KATNB1: variants seen among roughly 807,000 people sequenced by gnomAD.
KATNB1 encodes katanin p80 WD40 repeat-containing subunit B1.
KATNB1 carries 38 observed loss-of-function variants against 82.3 expected under a neutral mutation model. The observed-to-expected ratio is 0.46, with a 90% CI of 0.36 to 0.61. The LOEUF (loss-of-function observed/expected upper bound fraction) is 0.61. KATNB1 is among the 20% of genes least tolerant of loss of function. The probability of loss-of-function intolerance (pLI) is 0.00; values close to 1 mark genes in which losing one functional copy is unlikely to be tolerated. For missense variants in KATNB1, 749 were observed against 915.7 expected (o/e 0.82, Z 2.35); for synonymous variants, 361 against 368.7 (o/e 0.98, Z 0.24).
chr16:57,736,541 G>A (rs2049101178), intron 1 of KATNB1, among the ~76,000 whole-genome samples: 1 of 152,092 alleles, frequency 6.6e-6, no homozygotes, highest in South Asian at 2.1e-4. Context: ...GGTCGTCTTC[G>A]AGATTCTTTC....
chr16:57,752,771 G>A lies in KATNB1; in HGVS notation c.705-7G>A, dbSNP rs1555583847. The A allele has an allele frequency of 6.2e-7, 1 of 1,608,762 alleles. No homozygotes were observed. Among genetic ancestry groups the A allele is most frequent in the South Asian group, 1.1e-5 (1 of 90,540 alleles). ...CAGGACCCACGGCCATCTCTCGCCT[G>A]GCCCAGGAGCGTCCTCTTCAACCCA... On this transcript the variant is annotated splice_polypyrimidine_tract_variant and splice_region_variant and intron_variant, in intron 9 of 19. Coordinates refer to ENST00000379661, the MANE Select transcript of KATNB1 (RefSeq NM_005886.3).
rs1270503444 is a variant in KATNB1, at chr16:57,737,189, G to A, written c.-55G>A. ...GGGGGGGGATCCACCCCCACCCCAC[G>A]AGGAAAGCACAGTTTATTTTGTGGG... On this transcript the variant is annotated 5_prime_UTR_variant, in exon 2 of 20. Transcript: ENST00000379661. 4.4e-6 allele frequency: 7 copies of A among 1,608,788 alleles called. No individual in the cohort carries two copies. Among genetic ancestry groups the A allele is most frequent in the African/African-American group, 2.7e-5 (2 of 74,930 alleles).
At position 57,756,969 on chromosome 16, in the gene KATNB1, T is replaced by C; in HGVS notation, c.*23T>C. 6.7e-7 allele frequency: 1 copy of C among 1,493,270 alleles called. No individual in the cohort carries two copies. The allele number at this position is 1,493,270 out of a possible 1,614,324, so 92.5% of individuals were successfully genotyped here. A position where few individuals can be genotyped will look rare whatever the true frequency, so the allele number is the denominator to read the frequency against. On this transcript the variant is annotated 3_prime_UTR_variant, in exon 20 of 20. Coordinates refer to ENST00000379661, the MANE Select transcript of KATNB1 (RefSeq NM_005886.3). ...TGAGGAAAGCAGTGGGCAGGGGCGC[T>C]CGGCAGCCCACAGGGCCTGGCCTCA...
Position 57,753,376 on chromosome 16 carries a change from C to T in KATNB1, c.1047-13C>T, listed in dbSNP as rs1365238481. On this transcript the variant is annotated splice_polypyrimidine_tract_variant and intron_variant, in intron 11 of 19. Transcript: ENST00000379661. ...GGCACCTGCTTCCGTTGGGCTTGGC[C>T]TCACGCTCCCAGGGTGAAGCAGAAC... 1.9e-6 allele frequency: 3 copies of T among 1,608,002 alleles called. No homozygotes were observed. The highest frequency in any genetic ancestry group is 1.3e-5 in the African/African-American group (1 of 74,832).
chr16:57,752,605 C>A lies in KATNB1; in HGVS notation c.704+4C>A. On this transcript the variant is annotated splice_donor_region_variant and intron_variant, in intron 9 of 19. Transcript: ENST00000379661. ...AAGGGGAGCCTGGGCCCGTCAGGTA[C>A]GCAGGCTGTGGGGTGGGCGGCCCAG... is the stretch of plus-strand genomic sequence containing the variant. 6.4e-7 allele frequency: 1 copy of A among 1,561,622 alleles called. No individual in the cohort carries two copies. Among genetic ancestry groups the A allele is most frequent in the Non-Finnish European group, 8.7e-7 (1 of 1,152,938 alleles).
chr16:57,748,065 G>C (rs543969990), intron 4 of KATNB1, among the ~76,000 whole-genome samples: 3 of 152,288 alleles, frequency 2.0e-5, no homozygotes, highest in Non-Finnish European at 2.9e-5. Context: ...TGGACAGCCA[G>C]GTTGACAGAT....
chr16:57,745,411 A>G (rs1438240770), intron 4 of KATNB1, among the ~76,000 whole-genome samples: 2 of 149,936 alleles, frequency 1.3e-5, no homozygotes, highest in Admixed American at 1.3e-4. Context: ...TAAAAATACA[A>G]AATTAGCCGG....
Position 57,757,105 on chromosome 16 carries a change from A to G in KATNB1, c.*159A>G. ...GTGATGCTGGTCCCTGGCCACCTCT[A>G]CAGCCCTGAACTCTTGAGACAACTC... On this transcript the variant is annotated 3_prime_UTR_variant, in exon 20 of 20. Coordinates refer to ENST00000379661, the MANE Select transcript of KATNB1 (RefSeq NM_005886.3). 1 of 674,304 alleles carries G rather than the reference A, an allele frequency of 1.5e-6. No individual in the cohort carries two copies. Among genetic ancestry groups the G allele is most frequent in the South Asian group, 3.9e-5 (1 of 25,756 alleles). The allele number at this position is 674,304 out of a possible 1,614,324, so 41.8% of individuals were successfully genotyped here.
intron 4 of KATNB1, among the ~76,000 whole-genome samples, chr16:57,748,249 G>C (rs1357230846): frequency 6.6e-6 from 1 of 152,086 alleles, no homozygotes; most frequent in East Asian, 1.9e-4. Flanking sequence ...TAAGACCTCC[G>C]GCCCCCCTCC....
In KATNB1 at chr16:57,753,066, G is replaced by A. The variant is rs564139111; in HGVS notation, c.856-11G>A. ...CTTGCAGTCCCAGCCCCACCTCTCC[G>A]CTTTCTGCAGATAGGTGTGGCCTTC... On this transcript the variant is annotated splice_polypyrimidine_tract_variant and intron_variant, in intron 10 of 19. Coordinates refer to ENST00000379661, the MANE Select transcript of KATNB1 (RefSeq NM_005886.3). 1.9e-5 allele frequency: 30 copies of A among 1,595,730 alleles called. No homozygotes were observed. The East Asian group carries it at 4.5e-4, about 24-fold the overall frequency.
chr16:57,751,925 C>T lies in KATNB1; in HGVS notation c.517-15C>T, dbSNP rs1555583354. On this transcript the variant is annotated splice_polypyrimidine_tract_variant and intron_variant, in intron 7 of 19. Coordinates refer to ENST00000379661, the MANE Select transcript of KATNB1 (RefSeq NM_005886.3). The surrounding 1 kb of genome is among the most constrained non-coding windows in gnomAD (Gnocchi z 6.3). ...ATGCCTGGTCACCCTGACCTCCTCCCTGCCCTGCCTCCAGCTCTGGGATCT... is the reference window on the plus strand; with the variant it reads ...ATGCCTGGTCACCCTGACCTCCTCCTTGCCCTGCCTCCAGCTCTGGGATCT... 6.2e-7 allele frequency: 1 copy of T among 1,602,810 alleles called. No homozygotes were observed. The highest frequency in any genetic ancestry group is 1.3e-5 in the African/African-American group (1 of 74,696).
intron 9 of KATNB1, 55 bp from the exon 10 acceptor site, chr16:57,752,723 G>T (rs1567901729): frequency 8.8e-6 from 14 of 1,586,274 alleles, no homozygotes; most frequent in East Asian, 2.3e-5. Context: ...GATTCCTCGG[G>T]GTGGGGACCA....
At chr16:57,743,900 G>A (rs1414859241) in intron 3 of KATNB1, among the ~76,000 whole-genome samples, 3 of 152,242 alleles carry the variant, frequency 2.0e-5, no homozygotes, top group Non-Finnish European at 4.4e-5. Context: ...CTTTCCACGG[G>A]GATGGGCAGT....
rs373538419 is a variant in KATNB1, at chr16:57,751,903, C to T, written c.517-37C>T. 2 of 1,536,540 alleles carry T rather than the reference C, an allele frequency of 1.3e-6. No individual in the cohort carries two copies. Among genetic ancestry groups the T allele is most frequent in the Admixed American group, 1.7e-5 (1 of 59,290 alleles). ...AGAGGGAGGGTGGGCAGCCAAGATGCCTGGTCACCCTGACCTCCTCCCTGC... is the reference window on the plus strand; with the variant it reads ...AGAGGGAGGGTGGGCAGCCAAGATGTCTGGTCACCCTGACCTCCTCCCTGC... On this transcript the variant is annotated intron_variant, in intron 7 of 19. Transcript: ENST00000379661. This position sits in a 1 kb window ranked among gnomAD's most constrained non-coding sequence, Gnocchi z 6.3.
chr16:57,745,886 T>A (rs34395261), intron 4 of KATNB1, among the ~76,000 whole-genome samples: 14,748 of 152,124 alleles, frequency 0.097, 897 homozygotes, highest in African/African-American at 0.16. Flanking sequence ...CCTGTTTCTT[T>A]GAAACCCATC....
intron 2 of KATNB1, among the ~76,000 whole-genome samples, chr16:57,740,126 G>A (rs1206009959): frequency 3.3e-5 from 5 of 152,182 alleles, no homozygotes; most frequent in Admixed American, 2.6e-4. Flanking sequence ...TTTCTGTCCC[G>A]ACAGTGTCCA....
intron 4 of KATNB1, among the ~76,000 whole-genome samples, chr16:57,745,496 G>A (rs892830492): frequency 1.1e-4 from 17 of 152,018 alleles, no homozygotes; most frequent in Admixed American, 7.2e-4. Flanking sequence ...CCGGGAGGTG[G>A]GGGTTGTGGT....
intron 12 of KATNB1, 24 bp downstream of exon 12, chr16:57,753,543 G>A: frequency 6.2e-7 from 1 of 1,611,032 alleles, no homozygotes; most frequent in South Asian, 1.1e-5. Context: ...CCCGCCCCCA[G>A]CCCAGCGTCC....
At position 57,752,845 on chromosome 16, in the gene KATNB1, G is replaced by A. The variant is rs782475342; in HGVS notation, c.772G>A (p.Gly258Ser). The A allele has an allele frequency of 7.5e-6, 12 of 1,610,584 alleles. No individual in the cohort carries two copies. The highest frequency in any genetic ancestry group is 1.7e-5 in the Admixed American group (1 of 59,914). Residue 258 changes from glycine (G) to serine (S), a missense_variant, in exon 10 of 20, where the codon GGC becomes AGC. Physicochemically the swap from Gly to Ser is moderately conservative, Grantham distance 56. This residue lies in a region of KATNB1 where 407 missense variants were observed against 434.7 expected (regional missense o/e 0.94). Coordinates refer to ENST00000379661, the MANE Select transcript of KATNB1 (RefSeq NM_005886.3). ...CTGCCAGGACTCACTGCGTGTCTAC[G>A]GCTGGGAACCTGAGCGGTGCTTTGA... ...SGCQDSLRVY[G>S]WEPERCFDVV...
Sources: allele counts gnomAD v4.1 joint callset (sites outside exome capture counted in the v4.1 genomes callset), GRCh38; gene constraint gnomAD v4.1.1; regional missense constraint gnomAD v4.1.1; non-coding constraint Gnocchi (gnomAD v3.1); transcripts MANE v1.5; gene names NCBI Gene and HGNC (gene_info 2026-07-23, HGNC 2026-07-21).